EPHA6: variants seen among roughly 807,000 people sequenced by gnomAD.
EPHA6 encodes ephrin type-A receptor 6.
EPHA6 carries 50 observed loss-of-function variants against 112.0 expected under a neutral mutation model. The ratio of observed to expected loss-of-function variants is 0.45; its 90% confidence interval spans 0.36 to 0.56. The LOEUF is 0.56. Among genes scored for constraint, EPHA6 ranks in the 20% least tolerant of loss-of-function variants. The pLI is 0.00. For synonymous variants in EPHA6, 529 were observed against 490.7 expected (o/e 1.08, Z -1.03); for missense variants, 1,280 against 1,417.4 (o/e 0.90, Z 1.56).
intron 3 of EPHA6, among the ~76,000 whole-genome samples, chr3:97,045,091 G>A (rs1338405007): frequency 3.3e-5 from 5 of 151,954 alleles, no homozygotes; most frequent in South Asian, 2.1e-4. Flanking sequence ...TTTGAACTTA[G>A]TCTGTAGTTA....
At chr3:97,366,722 A>G (rs1466388259) in intron 5 of EPHA6, among the ~76,000 whole-genome samples, 1 of 152,222 alleles carries the variant, frequency 6.6e-6, no homozygotes, top group East Asian at 1.9e-4. Flanking sequence ...AAACCTTAAA[A>G]AAACAAAGCA....
chr3:97,120,245 A>G (rs1454101858), intron 3 of EPHA6, among the ~76,000 whole-genome samples: 2 of 152,002 alleles, frequency 1.3e-5, no homozygotes, highest in East Asian at 1.9e-4. Flanking sequence ...TACATACCCT[A>G]TTTCAAATTT....
At chr3:96,877,923 A>G (rs2037071988) in intron 2 of EPHA6, among the ~76,000 whole-genome samples, 1 of 127,864 alleles carries the variant, frequency 7.8e-6, no homozygotes, top group South Asian at 2.2e-4. Context: ...GTATATATAT[A>G]TATATATTTT....
chr3:97,578,340 C>A (rs1289067638), intron 11 of EPHA6, among the ~76,000 whole-genome samples: 6 of 151,976 alleles, frequency 3.9e-5, no homozygotes, highest in Admixed American at 6.6e-5. Context: ...GTGTAAGTTG[C>A]ATTTTTCAAG....
At chr3:97,224,331 C>T (rs970838146) in intron 3 of EPHA6, among the ~76,000 whole-genome samples, 1 of 152,034 alleles carries the variant, frequency 6.6e-6, no homozygotes, top group Non-Finnish European at 1.5e-5. Context: ...AAGAACAGTT[C>T]GAATATCACT....
intron 14 of EPHA6, among the ~76,000 whole-genome samples, chr3:97,691,313 T>C (rs2032651070): frequency 6.6e-6 from 1 of 152,252 alleles, no homozygotes; most frequent in Non-Finnish European, 1.5e-5. Flanking sequence ...ACTTTTCTTA[T>C]GCAGTCCCAC....
At chr3:97,033,993 T>C (rs2108027919) in intron 3 of EPHA6, among the ~76,000 whole-genome samples, 1 of 151,972 alleles carries the variant, frequency 6.6e-6, no homozygotes, top group East Asian at 1.9e-4. Flanking sequence ...TGAAAGGGTT[T>C]ACCTTAGTAG....
At chr3:97,448,789 C>G in intron 7 of EPHA6, 59 bp downstream of exon 7, 1 of 1,565,534 alleles carries the variant, frequency 6.4e-7, no homozygotes, top group South Asian at 1.1e-5. Flanking sequence ...CCAATTTGAC[C>G]TGATATTTTA....
At chr3:96,997,473 A>G (rs538323449) in intron 3 of EPHA6, among the ~76,000 whole-genome samples, 1 of 152,086 alleles carries the variant, frequency 6.6e-6, no homozygotes, top group African/African-American at 2.4e-5. Context: ...TTTAGAGGTC[A>G]TTGTAGGGTT....
chr3:97,125,076 A>G (rs968678723), intron 3 of EPHA6, among the ~76,000 whole-genome samples: 4 of 152,184 alleles, frequency 2.6e-5, no homozygotes, highest in African/African-American at 9.6e-5. Context: ...GAAATGCAGG[A>G]TATCATAAAG....
At chr3:97,279,859 T>C (rs1404625677) in intron 5 of EPHA6, among the ~76,000 whole-genome samples, 1 of 152,140 alleles carries the variant, frequency 6.6e-6, no homozygotes, top group Non-Finnish European at 1.5e-5. Flanking sequence ...ATATGCTCCC[T>C]AGCATTTCTT....
intron 10 of EPHA6, among the ~76,000 whole-genome samples, chr3:97,485,436 A>G (rs1360407115): frequency 2.0e-5 from 3 of 152,212 alleles, no homozygotes; most frequent in African/African-American, 7.2e-5. Context: ...TCCCGGGTAC[A>G]CAGAGAAGTA....
At chr3:97,588,754 A>G (rs998342594) in intron 11 of EPHA6, among the ~76,000 whole-genome samples, 1 of 152,240 alleles carries the variant, frequency 6.6e-6, no homozygotes, top group African/African-American at 2.4e-5. Context: ...TTTTCAATTT[A>G]CAGATGATGA....
chr3:97,193,773 A>T (rs749181352), intron 3 of EPHA6, among the ~76,000 whole-genome samples: 1 of 151,986 alleles, frequency 6.6e-6, no homozygotes, highest in Non-Finnish European at 1.5e-5. Flanking sequence ...CTTTAGCTAT[A>T]GATCTGTCAT....
chr3:96,926,296 C>T (rs1353424826), intron 2 of EPHA6, among the ~76,000 whole-genome samples: 8 of 152,128 alleles, frequency 5.3e-5, no homozygotes, highest in African/African-American at 1.9e-4. Flanking sequence ...GATCCAGTCA[C>T]CTCCCACCAG....
At chr3:97,356,448 C>T (rs772465801) in intron 5 of EPHA6, among the ~76,000 whole-genome samples, 8 of 152,148 alleles carry the variant, frequency 5.3e-5, no homozygotes, top group Non-Finnish European at 8.8e-5. Flanking sequence ...CAGTCAAAGA[C>T]GTTGGGGACA....
chr3:97,054,759 T>C (rs1330425811), intron 3 of EPHA6, among the ~76,000 whole-genome samples: 3 of 152,256 alleles, frequency 2.0e-5, no homozygotes, highest in Non-Finnish European at 4.4e-5. Flanking sequence ...TTTTACCTGA[T>C]ACTAAATTTT....
chr3:97,033,804 C>G (rs943453145), intron 3 of EPHA6, among the ~76,000 whole-genome samples: 1 of 151,862 alleles, frequency 6.6e-6, no homozygotes, highest in South Asian at 2.1e-4. Context: ...CTGTATAGTT[C>G]AAGACTATAA....
intron 3 of EPHA6, among the ~76,000 whole-genome samples, chr3:97,200,202 A>G (rs528843881): frequency 6.6e-6 from 1 of 152,238 alleles, no homozygotes; most frequent in Non-Finnish European, 1.5e-5. Flanking sequence ...AAAGTTTGAT[A>G]GTGATATTAA....
Sources: gnomAD v4.1 joint callset for allele counts (sites outside exome capture counted in the v4.1 genomes callset) on GRCh38, gnomAD v4.1.1 for gene constraint, MANE v1.5 for transcripts, NCBI Gene and HGNC (gene_info 2026-07-23, HGNC 2026-07-21) for gene names.